SLC12A3: variants seen among roughly 807,000 people sequenced by gnomAD.
SLC12A3 encodes the protein Na-Cl cotransporter.
A neutral mutation model predicts 121.0 loss-of-function variants in SLC12A3; 104 were observed. The observed-to-expected ratio is 0.86, with a 90% CI of 0.73 to 1.01. The LOEUF is 1.01. Ranked by LOEUF, SLC12A3 falls within the 50% of genes least tolerant of loss-of-function variation. The pLI is 0.00. For synonymous variants in SLC12A3, 536 were observed against 533.4 expected (o/e 1.00, Z -0.07); for missense variants, 1,328 against 1,356.3 (o/e 0.98, Z 0.33).
chr16:56,881,941 A>T (rs1412616915), intron 12 of SLC12A3, among the ~76,000 whole-genome samples: 3 of 151,454 alleles, frequency 2.0e-5, no homozygotes, highest in African/African-American at 7.3e-5. Context: ...CCAAGCTACT[A>T]GGGAGGCTGA....
chr16:56,870,162 T>A lies in SLC12A3; in HGVS notation c.668T>A (p.Phe223Tyr). 6.2e-7 allele frequency: 1 copy of A among 1,614,122 alleles called. No homozygotes were observed. The highest frequency in any genetic ancestry group is 1.7e-5 in the Admixed American group (1 of 60,036). Residue 223 changes from phenylalanine (F) to tyrosine (Y), a missense_variant, in exon 5 of 26, where the codon TTC becomes TAC. Coordinates refer to ENST00000563236, the MANE Select transcript of SLC12A3 (RefSeq NM_001126108.2). ...CTTGGGGGCTCCATCGGCCTCATTT[T>A]CGCTTTCGCCAATGCCGTGGGTGTG... ...PELGGSIGLIFAFANAVGVAM... is the reference protein window; with the variant it reads ...PELGGSIGLIYAFANAVGVAM...
In SLC12A3 at chr16:56,902,517, AGGGGTG is replaced by A; in HGVS notation, c.2856+18_2856+23del. 18 of 362,828 alleles carry A rather than the reference AGGGGTG, an allele frequency of 5.0e-5. No individual in the cohort carries two copies. The highest frequency in any genetic ancestry group is 7.5e-5 in the Non-Finnish European group (15 of 199,956). 22.5% of individuals were successfully genotyped at this position (362,828 alleles called of 1,614,324 possible). A position where few individuals can be genotyped will look rare whatever the true frequency, so the allele number is the denominator to read the frequency against. On this transcript the variant is annotated intron_variant, in intron 24 of 25. Transcript: ENST00000563236. ...CGAAGAACAGAGTCAAGGTGCAGAG[AGGGGTG>A]GGGGTGGGAAACGCGACACATCACT...
intron 6 of SLC12A3, 72 bp from the exon 7 acceptor site, chr16:56,872,279 C>T: frequency 9.4e-7 from 1 of 1,064,484 alleles, no homozygotes; most frequent in Non-Finnish European, 1.5e-6. Context: ...CTGGGCAAAT[C>T]ATTTTCTGGC....
rs369813884 is a variant in SLC12A3 at position 56,902,538 on chromosome 16, G to A, written c.2856+30G>A. ...AGAGAGGGGTGGGGGTGGGAAACGC[G>A]ACACATCACTGGGTCAGGGACGGGT... is the stretch of plus-strand genomic sequence containing the variant. On this transcript the variant is annotated intron_variant, in intron 24 of 25. Coordinates refer to ENST00000563236, the MANE Select transcript of SLC12A3 (RefSeq NM_001126108.2). The A allele has an allele frequency of 1.7e-5, 27 of 1,587,032 alleles. No homozygotes were observed. The African/African-American group carries it at 2.2e-4, about 13-fold the overall frequency.
chr16:56,910,516 T>C (rs1296977700), intron 25 of SLC12A3, among the ~76,000 whole-genome samples: 1 of 152,140 alleles, frequency 6.6e-6, no homozygotes, highest in Non-Finnish European at 1.5e-5. Context: ...TTTTGTATTT[T>C]TTTATGGAGA....
rs746730052 is a variant in SLC12A3, at chr16:56,884,860, G to A, written c.1826-405G>A. Among the ~76,000 whole-genome samples the A allele has an allele frequency of 3.9e-5, 6 of 152,188 alleles. No individual in the cohort carries two copies. The South Asian group carries it at 1.0e-3, about 26-fold the overall frequency. On this transcript the variant is annotated intron_variant, in intron 14 of 25. Transcript: ENST00000563236. ...CGGCTCACTGCAACCTCCACCTCCC[G>A]GGTTCAAGCAATTCTCCTGCCTCAG...
chr16:56,905,295 C>CCCCA (rs1459772926), intron 25 of SLC12A3, among the ~76,000 whole-genome samples: 1 of 138,412 alleles, frequency 7.2e-6, no homozygotes, highest in African/African-American at 3.1e-5. Flanking sequence ...GCCGAGGTTG[C>CCCCA]CCCATTTCAC....
At chr16:56,869,956 C>T in intron 4 of SLC12A3, 132 bp downstream of exon 4, 1 of 1,361,476 alleles carries the variant, frequency 7.3e-7, no homozygotes, top group Non-Finnish European at 1.0e-6. Context: ...TCTAGGCAGG[C>T]TGTCTACACC....
At chr16:56,902,284 G>A (rs1567446548) in intron 23 of SLC12A3, 89 bp from the exon 24 acceptor site, 1 of 1,533,992 alleles carries the variant, frequency 6.5e-7, no homozygotes, top group Non-Finnish European at 9.0e-7. Context: ...GGGAGCTGTG[G>A]CAACACTGCC....
intron 1 of SLC12A3, 140 bp downstream of exon 1, chr16:56,865,657 G>A (rs1964337075): frequency 2.2e-6 from 2 of 923,690 alleles, no homozygotes; most frequent in African/African-American, 3.3e-5. Flanking sequence ...AGGCCCCAGT[G>A]AAATAGTGGA....
At chr16:56,872,270 TG>T in intron 6 of SLC12A3, 80 bp from the exon 7 acceptor site, 1 of 947,230 alleles carries the variant, frequency 1.1e-6, no homozygotes, top group Non-Finnish European at 1.7e-6. Context: ...AAACGGGCCC[TG>T]GGCAAATCAT....
chr16:56,880,021 T>G (rs2055217101), intron 11 of SLC12A3, 109 bp from the exon 12 acceptor site: 5 of 1,370,226 alleles, frequency 3.6e-6, no homozygotes, highest in African/African-American at 1.4e-5. Flanking sequence ...AGGACCCAGG[T>G]TGGGGAGGTC....
chr16:56,886,824 TG>T, intron 16 of SLC12A3, 128 bp from the exon 17 acceptor site: 2 of 1,268,806 alleles, frequency 1.6e-6, no homozygotes, highest in Non-Finnish European at 2.2e-6. Flanking sequence ...TTCCCTTATC[TG>T]GGCAAAAGAA....
At chr16:56,904,078 C>T (rs1444053491) in intron 24 of SLC12A3, among the ~76,000 whole-genome samples, 1 of 152,184 alleles carries the variant, frequency 6.6e-6, no homozygotes, top group African/African-American at 2.4e-5. Context: ...CCCAAGTTCT[C>T]TCTGCTATGA....
intron 21 of SLC12A3, among the ~76,000 whole-genome samples, chr16:56,894,296 C>T (rs551507115): frequency 2.6e-5 from 4 of 152,132 alleles, no homozygotes; most frequent in African/African-American, 7.2e-5. Flanking sequence ...TGAGCCATGG[C>T]GCCCGGCCGC....
intron 25 of SLC12A3, among the ~76,000 whole-genome samples, chr16:56,912,493 T>A (rs2055699438): frequency 6.6e-6 from 1 of 152,050 alleles, no homozygotes. Context: ...AGCTGGACAA[T>A]GAATGAACAG....
At chr16:56,912,615 A>G (rs1223393684) in intron 25 of SLC12A3, among the ~76,000 whole-genome samples, 1 of 152,182 alleles carries the variant, frequency 6.6e-6, no homozygotes, top group Non-Finnish European at 1.5e-5. Context: ...ATATATACTG[A>G]GCCTGACTGT....
chr16:56,910,922 A>G (rs1207132603), intron 25 of SLC12A3, among the ~76,000 whole-genome samples: 1 of 152,214 alleles, frequency 6.6e-6, no homozygotes, highest in Non-Finnish European at 1.5e-5. Context: ...TCCTGTGAGC[A>G]GGAATAGAGC....
intron 6 of SLC12A3, 87 bp from the exon 7 acceptor site, chr16:56,872,264 G>T (rs1471223989): frequency 2.6e-5 from 23 of 871,918 alleles, no homozygotes; most frequent in African/African-American, 8.2e-5. Context: ...ATGGAGAAAC[G>T]GGCCCTGGGC....
Sources: allele counts gnomAD v4.1 joint callset (sites outside exome capture counted in the v4.1 genomes callset), GRCh38; gene constraint gnomAD v4.1.1; transcripts MANE v1.5; gene names NCBI Gene and HGNC (gene_info 2026-07-23, HGNC 2026-07-21).